Variants in TUT4 observed in about 807,000 individuals in gnomAD.
TUT4 encodes the protein terminal uridylyltransferase 4.
TUT4 carries 36 observed loss-of-function variants against 192.2 expected under a neutral mutation model. That is an observed-to-expected ratio of 0.19 (90% CI 0.14 to 0.25). The LOEUF is 0.25. TUT4 is among the 10% of genes least tolerant of loss of function. The pLI, the probability that TUT4 is intolerant of heterozygous loss-of-function variation, is 1.00. For missense variants in TUT4, 1,493 were observed against 1,957.2 expected (o/e 0.76, Z 4.47); for synonymous variants, 618 against 666.0 (o/e 0.93, Z 1.11).
intron 16 of TUT4, chr1:52,462,016 G>A: frequency 6.4e-6 from 2 of 314,624 alleles, no homozygotes; most frequent in Admixed American, 4.7e-5. Flanking sequence ...AGGATCCCAA[G>A]GTAATTCACA....
chr1:52,461,202 G>A lies in TUT4; in HGVS notation c.3253C>T (p.Leu1085=). 6.2e-7 allele frequency: 1 copy of A among 1,607,516 alleles called. No homozygotes were observed. The highest frequency in any genetic ancestry group is 8.5e-7 in the Non-Finnish European group (1 of 1,176,854). Residue 1085 remains leucine (L), a synonymous_variant, in exon 19 of 30, where the codon CTA becomes TTA. Transcript: ENST00000257177. The part of the protein sequence containing the change: ...NTLAQHNTRM[L]ATYAAIDPRV... ...GGATCAATAGCTGCATAAGTAGCTA[G>A]CATTCTTGTGTTATGTTGAGCCTGA...
chr1:52,518,644 G>A (rs78427209), intron 2 of TUT4, among the ~76,000 whole-genome samples: 1 of 152,148 alleles, frequency 6.6e-6, no homozygotes, highest in Non-Finnish European at 1.5e-5. Flanking sequence ...AAAGGAATGA[G>A]GTACTGATAC....
At chr1:52,461,075 AGTT>A in intron 19 of TUT4, 56 bp downstream of exon 19, 2 of 1,385,682 alleles carry the variant, frequency 1.4e-6, no homozygotes, top group Non-Finnish European at 2.0e-6. Flanking sequence ...ATCTGACATT[AGTT>A]ATGTTTCATT....
intron 3 of TUT4, chr1:52,515,627 T>C: frequency 1.8e-6 from 1 of 555,834 alleles, no homozygotes. Context: ...TTTAACCCAT[T>C]CAAAAACAAA....
At chr1:52,489,229 G>A (rs532837300) in intron 8 of TUT4, among the ~76,000 whole-genome samples, 194 bp from the exon 9 acceptor site, 5 of 152,166 alleles carry the variant, frequency 3.3e-5, no homozygotes, top group Admixed American at 1.3e-4. Context: ...AGTTCCATAC[G>A]AATTAAAGAA....
At position 52,428,226 on chromosome 1, in the gene TUT4, G is replaced by A. The variant is rs544384552; in HGVS notation, c.4712-2719C>T. Among the ~76,000 whole-genome samples the A allele has an allele frequency of 6.0e-4, 91 of 152,226 alleles. 1 individual carries two copies. The highest frequency in any genetic ancestry group is 3.4e-3 in the Middle Eastern group (1 of 294). Reference sequence around the variant, plus strand: ...TTTTAGGCTGGGCACAGTGGCTCACGCCTGTAAATCCAGCACTTTGGGAGG... The same window carrying A: ...TTTTAGGCTGGGCACAGTGGCTCACACCTGTAAATCCAGCACTTTGGGAGG... On this transcript the variant is annotated intron_variant, in intron 28 of 29. Coordinates refer to ENST00000257177, the MANE Select transcript of TUT4 (RefSeq NM_001009881.3).
intron 22 of TUT4, 71 bp from the exon 23 acceptor site, chr1:52,446,075 G>T: frequency 6.9e-7 from 1 of 1,444,944 alleles, no homozygotes; most frequent in African/African-American, 1.4e-5. Context: ...AGAAGTCACC[G>T]CTGAAGTCTA....
At chr1:52,432,889 C>G (rs1024010592) in intron 27 of TUT4, 1 of 152,420 alleles carries the variant, frequency 6.6e-6, no homozygotes, top group Admixed American at 6.5e-5. Flanking sequence ...CCACTGCACT[C>G]CAGCCTGGGC....
intron 7 of TUT4, among the ~76,000 whole-genome samples, chr1:52,491,694 A>G (rs1435258466): frequency 6.6e-6 from 1 of 152,036 alleles, no homozygotes; most frequent in East Asian, 1.9e-4. Flanking sequence ...CAAAATAAAC[A>G]AAACAAAAAT....
At chr1:52,446,717 A>G (rs755317196) in intron 20 of TUT4, 50 bp from the exon 21 acceptor site, 3 of 1,398,138 alleles carry the variant, frequency 2.1e-6, no homozygotes, top group Non-Finnish European at 9.9e-7. Context: ...ATCCAACCCA[A>G]AGGTCCAAAT....
At chr1:52,463,285 C>T in intron 16 of TUT4, 1 of 990,942 alleles carries the variant, frequency 1.0e-6, no homozygotes, top group South Asian at 4.6e-5. Context: ...AATTCTTACT[C>T]TTCAGAATGG....
At chr1:52,506,761 G>C (rs565778941) in intron 4 of TUT4, among the ~76,000 whole-genome samples, 1 of 152,062 alleles carries the variant, frequency 6.6e-6, no homozygotes, top group Admixed American at 6.5e-5. Context: ...TAACAAAGGC[G>C]TCAGTTCAAG....
intron 24 of TUT4, among the ~76,000 whole-genome samples, chr1:52,443,295 T>TA (rs1213559112): frequency 5.8e-4 from 56 of 96,118 alleles, no homozygotes; most frequent in East Asian, 3.2e-3. Context: ...AAAAAAAAAT[T>TA]AAAAAAAAAA....
intron 1 of TUT4, among the ~76,000 whole-genome samples, chr1:52,529,184 T>A (rs1051991567): frequency 6.6e-6 from 1 of 152,108 alleles, no homozygotes; most frequent in Admixed American, 6.6e-5. Flanking sequence ...CAAAGTATAT[T>A]TAAAAATTTT....
At chr1:52,471,618 G>A (rs771207864) in intron 14 of TUT4, among the ~76,000 whole-genome samples, 2 of 152,114 alleles carry the variant, frequency 1.3e-5, no homozygotes, top group Non-Finnish European at 2.9e-5. Flanking sequence ...GAGTACTTGA[G>A]ATATGTCTAG....
intron 9 of TUT4, among the ~76,000 whole-genome samples, chr1:52,487,505 C>A (rs1272686845): frequency 1.3e-5 from 2 of 152,084 alleles, no homozygotes; most frequent in Non-Finnish European, 2.9e-5. Context: ...CCATTCCATA[C>A]ACTGATTTCC....
At chr1:52,552,707 C>A (rs1689789381) in intron 1 of TUT4, among the ~76,000 whole-genome samples, 1 of 152,180 alleles carries the variant, frequency 6.6e-6, no homozygotes, top group South Asian at 2.1e-4. Flanking sequence ...CCGCCCAGGC[C>A]GCCGTCCCCA....
In TUT4 at chr1:52,466,813, G is replaced by A. The variant is rs145858713; in HGVS notation, c.2965+1368C>T. ...AGCCTGAGTAGCTGGGACTACAGGC[G>A]TGTGCCACCACACCCAGCAAATTCT... On this transcript the variant is annotated intron_variant, in intron 15 of 29. Coordinates refer to ENST00000257177, the MANE Select transcript of TUT4 (RefSeq NM_001009881.3). 1.5e-3 allele frequency among the ~76,000 whole-genome samples: 231 copies of A among 151,582 alleles called. 7 individuals carry two copies. The East Asian group carries it at 0.032, about 21-fold the overall frequency.
At position 52,512,023 on chromosome 1, in the gene TUT4, A is replaced by G. The variant is rs149141328; in HGVS notation, c.883-2311T>C. ...TGAAAGCATACATACAGAATACCTA[A>G]AGCCCTGTGTACTGATGAGGTCACT... On this transcript the variant is annotated intron_variant, in intron 3 of 29. Coordinates refer to ENST00000257177, the MANE Select transcript of TUT4 (RefSeq NM_001009881.3). Among the ~76,000 whole-genome samples, 18 of 152,302 alleles carry G rather than the reference A, an allele frequency of 1.2e-4. No homozygotes were observed. The East Asian group carries it at 3.1e-3, about 26-fold the overall frequency.
Sources: gnomAD v4.1 joint callset for allele counts (sites outside exome capture counted in the v4.1 genomes callset) on GRCh38, gnomAD v4.1.1 for gene constraint, MANE v1.5 for transcripts, NCBI Gene and HGNC (gene_info 2026-07-23, HGNC 2026-07-21) for gene names.